Variants in GNB1L observed in about 807,000 individuals in gnomAD.
GNB1L encodes the protein G protein subunit beta 1 like.
A neutral mutation model predicts 29.1 loss-of-function variants in GNB1L; 20 were observed. The observed-to-expected ratio is 0.69, with a 90% CI of 0.48 to 1.00. The LOEUF (loss-of-function observed/expected upper bound fraction) is 1.00. GNB1L is among the 50% of genes least tolerant of loss of function. The probability of loss-of-function intolerance (pLI) is 0.00; values close to 1 mark genes in which losing one functional copy is unlikely to be tolerated. For synonymous variants in GNB1L, 193 were observed against 206.5 expected, an observed-to-expected ratio of 0.93 and a Z score of 0.56; for missense variants, 421 against 464.9, an observed-to-expected ratio of 0.91 and a Z score of 0.87.
rs571036804 is a variant in GNB1L at position 19,820,331 on chromosome 22, C to T, written c.254+267G>A. Among the ~76,000 whole-genome samples, 383 of 152,362 alleles carry T rather than the reference C, an allele frequency of 2.5e-3. 3 individuals carry two copies. The highest frequency in any genetic ancestry group is 0.024 in the Middle Eastern group (7 of 294). On this transcript the variant is annotated intron_variant, in intron 4 of 7. Coordinates refer to ENST00000329517, the MANE Select transcript of GNB1L (RefSeq NM_053004.3). ...ACCTCAGATGTCACCAGCCCTGGAG[C>T]TCTGGCCTCCTCACCTGGCACCTCC...
intron 3 of GNB1L, 30 bp from the exon 4 acceptor site, chr22:19,820,753 GGGGGCAGAAGGGTGTGCTGAATGCTCT>G: frequency 6.3e-7 from 1 of 1,593,086 alleles, no homozygotes; most frequent in Non-Finnish European, 8.6e-7. Context: ...CAGGGTGTCA[GGGGGCAGAAGGGTGTGCTGAATGCTCT>G]GGGGCCAGCC....
intron 2 of GNB1L, among the ~76,000 whole-genome samples, chr22:19,831,660 C>T (rs1937682483): frequency 6.6e-6 from 1 of 150,572 alleles, no homozygotes; most frequent in South Asian, 2.1e-4. Flanking sequence ...CACTGCACTC[C>T]AGCCTGGGCG....
chr22:19,836,459 G>C (rs1475145851), intron 2 of GNB1L, among the ~76,000 whole-genome samples: 2 of 151,518 alleles, frequency 1.3e-5, no homozygotes, highest in Non-Finnish European at 2.9e-5. Flanking sequence ...AACATTTAAA[G>C]AAGAAATAAC....
intron 4 of GNB1L, among the ~76,000 whole-genome samples, chr22:19,819,836 G>T (rs958335468): frequency 2.6e-5 from 4 of 152,142 alleles, no homozygotes; most frequent in Non-Finnish European, 5.9e-5. Context: ...GGGACCAGGT[G>T]GGGAGATGGC....
intron 6 of GNB1L, 106 bp downstream of exon 6, chr22:19,806,553 G>C (rs1229099776): frequency 1.5e-6 from 1 of 680,504 alleles, no homozygotes; most frequent in African/African-American, 1.8e-5. Flanking sequence ...GCAGGGGGGT[G>C]GGGTGTTGCC....
intron 7 of GNB1L, chr22:19,792,746 A>AG: frequency 6.6e-7 from 1 of 1,505,336 alleles, no homozygotes; most frequent in South Asian, 1.2e-5. Context: ...AGAACAAGAA[A>AG]GCTCAGCTGG....
chr22:19,851,598 C>T (rs1441465426), intron 2 of GNB1L: 11 of 1,596,698 alleles, frequency 6.9e-6, no homozygotes, highest in Non-Finnish European at 9.4e-6. Flanking sequence ...AGTGCCAGGC[C>T]CTCTAAGAAC....
At chr22:19,825,398 T>C (rs1937612503) in intron 2 of GNB1L, among the ~76,000 whole-genome samples, 1 of 152,052 alleles carries the variant, frequency 6.6e-6, no homozygotes, top group Non-Finnish European at 1.5e-5. Flanking sequence ...GGTGGGAGGA[T>C]TGCTTGAGCC....
At chr22:19,823,798 T>C (rs559953021) in intron 2 of GNB1L, among the ~76,000 whole-genome samples, 2 of 152,188 alleles carry the variant, frequency 1.3e-5, no homozygotes, top group South Asian at 4.2e-4. Context: ...CACACCCATA[T>C]GTGCACACAC....
intron 4 of GNB1L, among the ~76,000 whole-genome samples, chr22:19,815,436 T>C (rs1420782925): frequency 6.6e-6 from 1 of 152,114 alleles, no homozygotes; most frequent in African/African-American, 2.4e-5. Flanking sequence ...AACATGACAC[T>C]GCAGGGAGGC....
intron 5 of GNB1L, among the ~76,000 whole-genome samples, chr22:19,808,002 G>C (rs567476172): frequency 6.6e-6 from 1 of 152,350 alleles, no homozygotes; most frequent in South Asian, 2.1e-4. Context: ...ACGCGGACCA[G>C]GGCCACGGCG....
chr22:19,832,163 T>C (rs9306227), intron 2 of GNB1L, among the ~76,000 whole-genome samples: 40,406 of 151,744 alleles, frequency 0.27, 5,447 homozygotes, highest in East Asian at 0.33. Flanking sequence ...GACCCTGTCT[T>C]TACGAAAAAT....
chr22:19,817,596 C>T (rs1937539576), intron 4 of GNB1L, among the ~76,000 whole-genome samples: 1 of 152,266 alleles, frequency 6.6e-6, no homozygotes. Flanking sequence ...ACAGATGCTG[C>T]TCCTTATGTC....
chr22:19,803,670 G>A (rs1937400464), intron 6 of GNB1L, among the ~76,000 whole-genome samples: 1 of 152,192 alleles, frequency 6.6e-6, no homozygotes, highest in East Asian at 1.9e-4. Context: ...TGGCTCCCTA[G>A]AAGGGCCTCC....
At chr22:19,832,111 C>T (rs760062177) in intron 2 of GNB1L, among the ~76,000 whole-genome samples, 4 of 152,218 alleles carry the variant, frequency 2.6e-5, no homozygotes, top group Non-Finnish European at 5.9e-5. Flanking sequence ...GGGAGGATCA[C>T]TTGAGGCCAG....
intron 5 of GNB1L, among the ~76,000 whole-genome samples, chr22:19,809,044 C>T (rs1937468559): frequency 1.3e-5 from 2 of 152,014 alleles, no homozygotes; most frequent in African/African-American, 2.4e-5. Context: ...GGGCTCCACC[C>T]CCGGGCCTGT....
Position 19,802,024 on chromosome 22 carries a change from G to A in GNB1L, c.709C>T (p.Leu237=), listed in dbSNP as rs776926205. 5 of 1,598,918 alleles carry A rather than the reference G, an allele frequency of 3.1e-6. No homozygotes were observed. The Admixed American group carries it at 8.7e-5, about 28-fold the overall frequency. The change falls in exon 7 of 8, where the codon CTG becomes TTG. Residue 237 remains leucine, a synonymous_variant. Transcript: ENST00000329517. ...SAGKALAVWS[L]DWQQALQVRG... Reference sequence around the variant, plus strand: ...ACCTGCAGGGCCTGCTGCCAGTCCAGGCTCCAGACAGCCAGCGCCTTCCCC... The same window carrying A: ...ACCTGCAGGGCCTGCTGCCAGTCCAAGCTCCAGACAGCCAGCGCCTTCCCC...
intron 4 of GNB1L, among the ~76,000 whole-genome samples, chr22:19,814,967 T>C (rs1937519191): frequency 1.3e-5 from 2 of 151,290 alleles, no homozygotes; most frequent in Non-Finnish European, 2.9e-5. Context: ...GCCTGGGAGA[T>C]TGAGGCTGCT....
chr22:19,829,189 A>C (rs755298472), intron 2 of GNB1L, among the ~76,000 whole-genome samples: 63 of 152,352 alleles, frequency 4.1e-4, no homozygotes, highest in Non-Finnish European at 1.3e-4. Flanking sequence ...GGCAGATAGA[A>C]GATCCAAAAA....
Sources: gnomAD v4.1 joint callset for allele counts (sites outside exome capture counted in the v4.1 genomes callset) on GRCh38, gnomAD v4.1.1 for gene constraint, MANE v1.5 for transcripts, NCBI Gene and HGNC (gene_info 2026-07-23, HGNC 2026-07-21) for gene names.